The following ADAMTS10 variants were observed in gnomAD, a reference collection of about 807,000 sequenced individuals.
ADAMTS10 encodes the protein ADAM metallopeptidase with thrombospondin type 1 motif 10.
ADAMTS10 carries 48 observed loss-of-function variants against 135.9 expected under a neutral mutation model. That is an observed-to-expected ratio of 0.35 (90% confidence interval 0.28 to 0.45). The LOEUF (loss-of-function observed/expected upper bound fraction) is 0.45, where lower values mean the gene tolerates loss of function less well. Ranked by LOEUF, ADAMTS10 falls within the 20% of genes least tolerant of loss-of-function variation. The probability of loss-of-function intolerance (pLI) is 1.00; values close to 1 mark genes in which losing one functional copy is unlikely to be tolerated. For synonymous variants in ADAMTS10, 621 were observed against 647.5 expected, an observed-to-expected ratio of 0.96 and a Z score of 0.62; for missense variants, 1,131 against 1,565.2, an observed-to-expected ratio of 0.72 and a Z score of 4.68.
chr19:8,596,316 A>G lies in ADAMTS10; in HGVS notation c.1181T>C (p.Ile394Thr), dbSNP rs912385332. The change falls in exon 10 of 26, where the codon ATC becomes ACC. Residue 394 changes from isoleucine to threonine, a missense_variant. This residue lies in a region of ADAMTS10 where 745 missense variants were observed against 1,056.3 expected (regional missense o/e 0.71). Transcript: ENST00000597188. The surrounding 1 kb of genome is among the most constrained non-coding windows in gnomAD (Gnocchi z 7.2). Reference protein sequence around the residue: ...LATAFTIAHEIGHTFGMNHDG... With the variant: ...LATAFTIAHETGHTFGMNHDG... ...TGTGCCCTGGCCTCACGTGTGCCCGATCTCGTGGGCAATGGTGAACGCTGT... is the reference window on the plus strand; with the variant it reads ...TGTGCCCTGGCCTCACGTGTGCCCGGTCTCGTGGGCAATGGTGAACGCTGT... 1.2e-6 allele frequency: 2 copies of G among 1,612,706 alleles called. No individual in the cohort carries two copies. The highest frequency in any genetic ancestry group is 1.7e-6 in the Non-Finnish European group (2 of 1,179,888).
intron 5 of ADAMTS10, among the ~76,000 whole-genome samples, chr19:8,602,450 C>G (rs532210231): frequency 6.6e-6 from 1 of 152,282 alleles, no homozygotes; most frequent in South Asian, 2.1e-4. Context: ...TCCCAAGTAG[C>G]TGGAATTACA....
Position 8,586,423 on chromosome 19 carries a change from G to A in ADAMTS10, c.2451C>T (p.Ala817=). 1.9e-6 allele frequency: 3 copies of A among 1,614,018 alleles called. No individual in the cohort carries two copies. The highest frequency in any genetic ancestry group is 2.5e-6 in the Non-Finnish European group (3 of 1,180,018). ...ELPALRYRFN[A]PIARDSLPPY... is the part of the protein sequence containing the mutation. ...GGGGCAGCGAGTCACGGGCGATGGGGGCATTGAAGCGGTAGCGGAGGGCAG... is the reference window on the plus strand; with the variant it reads ...GGGGCAGCGAGTCACGGGCGATGGGAGCATTGAAGCGGTAGCGGAGGGCAG... The change falls in exon 21 of 26, where the codon GCC becomes GCT. Residue 817 remains alanine (A), a synonymous_variant. Coordinates refer to ENST00000597188, the MANE Select transcript of ADAMTS10 (RefSeq NM_030957.4).
At chr19:8,597,369 A>C in intron 6 of ADAMTS10, 52 bp from the exon 7 acceptor site, 3 of 1,542,068 alleles carry the variant, frequency 1.9e-6, no homozygotes, top group Non-Finnish European at 2.7e-6. Context: ...CCCAGGGTAG[A>C]AAATGAAAAG....
intron 6 of ADAMTS10, among the ~76,000 whole-genome samples, chr19:8,598,534 G>T (rs2042629166): frequency 6.7e-6 from 1 of 149,010 alleles, no homozygotes; most frequent in African/African-American, 2.5e-5. Context: ...GGAACCCTGG[G>T]TAATCATTTC....
Position 8,580,782 on chromosome 19 carries a change from G to T in ADAMTS10, c.*111C>A. Reference sequence around the variant, plus strand: ...TTCCCAATAAATAACTTCCGGCTCCGTCTCACCCTTCCCTCCCAGTTCCCG... The same window carrying T: ...TTCCCAATAAATAACTTCCGGCTCCTTCTCACCCTTCCCTCCCAGTTCCCG... On this transcript the variant is annotated 3_prime_UTR_variant, in exon 26 of 26. Coordinates refer to ENST00000597188, the MANE Select transcript of ADAMTS10 (RefSeq NM_030957.4). The T allele has an allele frequency of 1.2e-6, 1 of 830,744 alleles. No homozygotes were observed. The highest frequency in any genetic ancestry group is 1.9e-6 in the Non-Finnish European group (1 of 518,296). The allele number at this position is 830,744 out of a possible 1,614,324, so 51.5% of individuals were successfully genotyped here. A position where few individuals can be genotyped will look rare whatever the true frequency, so the allele number is the denominator to read the frequency against.
chr19:8,591,397 C>T (rs8106916), intron 15 of ADAMTS10, among the ~76,000 whole-genome samples: 129,330 of 150,188 alleles, frequency 0.86, 56,010 homozygotes, highest in East Asian at 0.95. Context: ...GCAGGTTCCC[C>T]AGGAGGCAGC....
rs782095202 is a variant in ADAMTS10 at position 8,601,154 on chromosome 19, C to T, written c.593-9G>A. On this transcript the variant is annotated splice_polypyrimidine_tract_variant and intron_variant, in intron 5 of 25. Transcript: ENST00000597188. This position sits in a 1 kb window ranked among gnomAD's most constrained non-coding sequence, Gnocchi z 4.6. ...TTTCCACGGTTTCTCATCTGGGGAACCCAGTAGAGCAATTAAGCCCTGCCC... is the reference window on the plus strand; with the variant it reads ...TTTCCACGGTTTCTCATCTGGGGAATCCAGTAGAGCAATTAAGCCCTGCCC... The T allele has an allele frequency of 6.2e-7, 1 of 1,612,316 alleles. No individual in the cohort carries two copies. The highest frequency in any genetic ancestry group is 2.2e-5 in the East Asian group (1 of 44,868).
intron 18 of ADAMTS10, 146 bp from the exon 19 acceptor site, chr19:8,587,042 A>G: frequency 1.1e-6 from 1 of 893,454 alleles, no homozygotes; most frequent in Non-Finnish European, 1.8e-6. Flanking sequence ...CTTGTGAACC[A>G]GGTGTTTCAT....
chr19:8,589,275 C>T lies in ADAMTS10; in HGVS notation c.2125G>A (p.Glu709Lys), dbSNP rs550588972. The change falls in exon 18 of 26, where the codon GAG (glutamate) becomes AAG (lysine). Residue 709 changes from glutamate (E) to lysine (K), a missense_variant. By Grantham distance (56) the Glu-to-Lys change is moderately conservative. Around this residue, in one of 3 missense-constraint regions of ADAMTS10, gnomAD observed 745 missense variants for 1,056.3 expected, o/e 0.71. Coordinates refer to ENST00000597188, the MANE Select transcript of ADAMTS10 (RefSeq NM_030957.4). Reference protein sequence around the residue: ...GGDGSACETIEGVFSPASPGA... With the variant: ...GGDGSACETIKGVFSPASPGA... The stretch of plus-strand genomic sequence containing the variant: ...GGTGAGGCTGGGCTGAAGACGCCCT[C>T]GATGGTCTCGCAGGCACTGCCGTCA... 144 of 1,612,516 alleles carry T rather than the reference C, an allele frequency of 8.9e-5. 1 individual carries two copies. The South Asian group carries it at 1.3e-3, about 15-fold the overall frequency.
intron 18 of ADAMTS10, among the ~76,000 whole-genome samples, chr19:8,587,622 C>T (rs941869463): frequency 6.6e-6 from 1 of 151,822 alleles, no homozygotes; most frequent in Admixed American, 6.6e-5. Context: ...GTGTACACCA[C>T]CACACCCGCC....
At chr19:8,609,017 A>G (rs1451108675) in intron 1 of ADAMTS10, among the ~76,000 whole-genome samples, 7 of 151,656 alleles carry the variant, frequency 4.6e-5, no homozygotes, top group Admixed American at 2.6e-4. Context: ...GTGGGGGGAC[A>G]TGAACAAGGC....
intron 2 of ADAMTS10, among the ~76,000 whole-genome samples, chr19:8,606,187 A>C (rs782704735): frequency 6.6e-6 from 1 of 152,076 alleles, no homozygotes; most frequent in Non-Finnish European, 1.5e-5. Flanking sequence ...CAGCCTCCCA[A>C]GTAGCTGAGA....
chr19:8,595,936 G>A (rs1555740043), intron 11 of ADAMTS10, 33 bp from the exon 12 acceptor site: 4 of 1,614,108 alleles, frequency 2.5e-6, no homozygotes, highest in East Asian at 2.2e-5. Context: ...GTCATGCTAG[G>A]TGGCTGCAAA....
intron 4 of ADAMTS10, 34 bp downstream of exon 4, chr19:8,604,978 C>G (rs782742868): frequency 6.4e-7 from 1 of 1,556,274 alleles, no homozygotes; most frequent in African/African-American, 1.4e-5. Flanking sequence ...AACTTATGGG[C>G]ATTTCCCCCC....
intron 2 of ADAMTS10, among the ~76,000 whole-genome samples, chr19:8,607,897 GTC>G (rs1299512811): frequency 1.0e-4 from 3 of 29,212 alleles, no homozygotes; most frequent in African/African-American, 1.5e-4. Context: ...TGCAACCTCT[GTC>G]TCTCGGGTTC....
rs1491576985 is a variant in ADAMTS10 at position 8,581,130 on chromosome 19, C to CCT, written c.3203-129_3203-128insAG. Reference sequence around the variant, plus strand: ...CTTGGTTTCTTTCTTTTTAAATTTACTTTTTTTTTTTTTTTTTTTTTTTTT... The same window carrying CCT: ...CTTGGTTTCTTTCTTTTTAAATTTACCTTTTTTTTTTTTTTTTTTTTTTTTTT... On this transcript the variant is annotated intron_variant, in intron 25 of 25. Transcript: ENST00000597188. The CCT allele has an allele frequency of 3.9e-4, 58 of 147,318 alleles. 2 individuals carry two copies. The highest frequency in any genetic ancestry group is 2.9e-3 in the African/African-American group (53 of 18,388). 9.1% of individuals were successfully genotyped at this position (147,318 alleles called of 1,614,324 possible).
intron 12 of ADAMTS10, 152 bp from the exon 13 acceptor site, chr19:8,593,022 C>A: frequency 1.4e-6 from 1 of 714,802 alleles, no homozygotes. Context: ...GGTCTTCGTG[C>A]ATCCCCTTGC....
Position 8,580,752 on chromosome 19 carries a change from AG to A in ADAMTS10, c.*140del, listed in dbSNP as rs2042333102. 1 of 674,074 alleles carries A rather than the reference AG, an allele frequency of 1.5e-6. No individual in the cohort carries two copies. The highest frequency in any genetic ancestry group is 2.6e-6 in the Non-Finnish European group (1 of 389,006). 41.8% of individuals were successfully genotyped at this position (674,074 alleles called of 1,614,324 possible). On this transcript the variant is annotated 3_prime_UTR_variant, in exon 26 of 26. Coordinates refer to ENST00000597188, the MANE Select transcript of ADAMTS10 (RefSeq NM_030957.4). Reference sequence around the variant, plus strand: ...TCCATCCCCCCAGCCAGGGCCCTGCAGGGGTTCCCAATAAATAACTTCCGGC... The same window carrying A: ...TCCATCCCCCCAGCCAGGGCCCTGCAGGGTTCCCAATAAATAACTTCCGGC...
rs782526852 is a variant in ADAMTS10, at chr19:8,589,395, C to T, written c.2035-30G>A. On this transcript the variant is annotated intron_variant, in intron 17 of 25. Coordinates refer to ENST00000597188, the MANE Select transcript of ADAMTS10 (RefSeq NM_030957.4). The stretch of plus-strand genomic sequence containing the variant: ...GTGGAGAAGGCGTGAGTGAGGCGAC[C>T]CCCTAACCCACCCCCGCTCCCCATC... The T allele has an allele frequency of 2.5e-6, 4 of 1,610,882 alleles. No individual in the cohort carries two copies. The African/African-American group carries it at 4.0e-5, about 16-fold the overall frequency.
Sources: gnomAD v4.1 joint callset for allele counts (sites outside exome capture counted in the v4.1 genomes callset) on GRCh38, gnomAD v4.1.1 for gene constraint, gnomAD v4.1.1 regional missense constraint, Gnocchi (gnomAD v3.1) non-coding constraint, MANE v1.5 for transcripts, NCBI Gene and HGNC (gene_info 2026-07-23, HGNC 2026-07-21) for gene names.